PIGK: variants seen among roughly 807,000 people sequenced by gnomAD.
PIGK encodes the protein phosphatidylinositol glycan anchor biosynthesis class K.
Under a neutral mutation model 50.6 loss-of-function variants are expected in PIGK, and 42 were observed. That is an observed-to-expected ratio of 0.83 (90% CI 0.65 to 1.07). PIGK has a LOEUF of 1.07. Ranked by LOEUF, PIGK falls within the 50% of genes least tolerant of loss-of-function variation. The probability of loss-of-function intolerance (pLI) is 0.00; values close to 1 mark genes in which losing one functional copy is unlikely to be tolerated. For synonymous variants in PIGK, 151 were observed against 156.0 expected (o/e 0.97, Z 0.24); for missense variants, 448 against 488.7 (o/e 0.92, Z 0.78).
At chr1:77,178,473 T>C (rs1424100445) in intron 3 of PIGK, among the ~76,000 whole-genome samples, 1 of 152,176 alleles carries the variant, frequency 6.6e-6, no homozygotes, top group Non-Finnish European at 1.5e-5. Flanking sequence ...AATAACACAA[T>C]TGGCTACACA....
At chr1:77,159,989 AT>A (rs1210033495) in intron 8 of PIGK, among the ~76,000 whole-genome samples, 1 of 152,122 alleles carries the variant, frequency 6.6e-6, no homozygotes, top group Non-Finnish European at 1.5e-5. Flanking sequence ...GAATGATATA[AT>A]TTGGCTGTGT....
At chr1:77,175,701 A>G (rs992044817) in intron 3 of PIGK, among the ~76,000 whole-genome samples, 2 of 152,176 alleles carry the variant, frequency 1.3e-5, no homozygotes, top group African/African-American at 4.8e-5. Context: ...ATTAATTGTA[A>G]AAGAGATTCT....
chr1:77,212,788 GA>G (rs1269442052), intron 1 of PIGK, among the ~76,000 whole-genome samples: 1 of 152,110 alleles, frequency 6.6e-6, no homozygotes, highest in Admixed American at 6.5e-5. Context: ...CCCAACACTG[GA>G]GCACCCAGAT....
chr1:77,122,426 AAT>A (rs1654121682), intron 9 of PIGK, 67 bp from the exon 10 acceptor site: 27 of 808,874 alleles, frequency 3.3e-5, no homozygotes, highest in Non-Finnish European at 2.1e-6. Context: ...CAAATATTTA[AAT>A]ATGTCAAATA....
chr1:77,108,814 G>A (rs530868145), intron 10 of PIGK, among the ~76,000 whole-genome samples: 12 of 151,932 alleles, frequency 7.9e-5, no homozygotes, highest in African/African-American at 2.9e-4. Flanking sequence ...TTCTCTAAAC[G>A]TCTCTTCTCG....
chr1:77,195,141 G>A, intron 3 of PIGK: 1 of 1,226,236 alleles, frequency 8.2e-7, no homozygotes, highest in Non-Finnish European at 1.2e-6. Flanking sequence ...CAGAGTTCAT[G>A]AATATCATTG....
intron 3 of PIGK, among the ~76,000 whole-genome samples, chr1:77,192,255 A>G (rs1655925071): frequency 6.6e-6 from 1 of 152,108 alleles, no homozygotes; most frequent in South Asian, 2.1e-4. Context: ...ACAAAAATTA[A>G]AGGGAAAAAA....
intron 8 of PIGK, among the ~76,000 whole-genome samples, chr1:77,156,824 A>G (rs867363946): frequency 5.3e-5 from 8 of 152,208 alleles, no homozygotes; most frequent in African/African-American, 1.9e-4. Flanking sequence ...GAGCATCTAC[A>G]AATAAACCAG....
intron 3 of PIGK, among the ~76,000 whole-genome samples, chr1:77,170,332 C>A (rs1245207373): frequency 6.6e-6 from 1 of 152,218 alleles, no homozygotes; most frequent in African/African-American, 2.4e-5. Context: ...ATGCTACCTC[C>A]ACACTGGCCT....
At position 77,124,623 on chromosome 1, in the gene PIGK, A is replaced by C. The variant is rs910806799; in HGVS notation, c.987-2264T>G. Among the ~76,000 whole-genome samples the C allele has an allele frequency of 1.7e-4, 25 of 151,054 alleles. 1 individual carries two copies. The highest frequency in any genetic ancestry group is 2.7e-4 in the Non-Finnish European group (18 of 67,590). On this transcript the variant is annotated intron_variant, in intron 9 of 10. Coordinates refer to ENST00000370812, the MANE Select transcript of PIGK (RefSeq NM_005482.3). ...GAGTCTCAAAACAAACAAACAACAA[A>C]AAAAAAAACACACACACGCAGCAAC...
chr1:77,108,755 C>T (rs1260061246), intron 10 of PIGK, among the ~76,000 whole-genome samples: 2 of 152,202 alleles, frequency 1.3e-5, no homozygotes, highest in Admixed American at 6.5e-5. Flanking sequence ...GGTCTTTTTA[C>T]ATAGTCCCAT....
At chr1:77,129,959 G>A (rs965228428) in intron 9 of PIGK, among the ~76,000 whole-genome samples, 5 of 151,662 alleles carry the variant, frequency 3.3e-5, no homozygotes, top group African/African-American at 1.2e-4. Context: ...ATAAGAAATA[G>A]TATCTCATTG....
chr1:77,174,364 A>C (rs2100564385), intron 3 of PIGK, among the ~76,000 whole-genome samples: 1 of 152,294 alleles, frequency 6.6e-6, no homozygotes, highest in Non-Finnish European at 1.5e-5. Flanking sequence ...GGCACCACAC[A>C]CCGTGTTTTG....
At chr1:77,099,866 A>C (rs1201393186) in intron 10 of PIGK, among the ~76,000 whole-genome samples, 1 of 152,148 alleles carries the variant, frequency 6.6e-6, no homozygotes, top group African/African-American at 2.4e-5. Flanking sequence ...CTCTTTTTTT[A>C]AACTTTCACA....
In PIGK at chr1:77,122,364, A is replaced by C. The variant is rs1654120615; in HGVS notation, c.987-5T>G. The C allele has an allele frequency of 6.4e-7, 1 of 1,552,266 alleles. No homozygotes were observed. Reference sequence around the variant, plus strand: ...TCCATCTGGTCTTCCTTATAGCTGGAAAAGATAATTTAAAAACACAGAGCT... The same window carrying C: ...TCCATCTGGTCTTCCTTATAGCTGGCAAAGATAATTTAAAAACACAGAGCT... On this transcript the variant is annotated splice_region_variant and splice_polypyrimidine_tract_variant and intron_variant, in intron 9 of 10. Coordinates refer to ENST00000370812, the MANE Select transcript of PIGK (RefSeq NM_005482.3).
chr1:77,157,028 A>G (rs957045959), intron 8 of PIGK, among the ~76,000 whole-genome samples: 1 of 152,216 alleles, frequency 6.6e-6, no homozygotes, highest in Non-Finnish European at 1.5e-5. Context: ...GGATCCAGAC[A>G]TTTCACATAA....
intron 2 of PIGK, 117 bp from the exon 3 acceptor site, chr1:77,206,848 G>C: frequency 1.6e-6 from 1 of 610,998 alleles, no homozygotes; most frequent in Non-Finnish European, 2.9e-6. Context: ...CCATAATTCA[G>C]GCTTTAAAAC....
chr1:77,119,331 AG>A (rs1467790278), intron 10 of PIGK, among the ~76,000 whole-genome samples: 5 of 152,190 alleles, frequency 3.3e-5, no homozygotes, highest in African/African-American at 1.2e-4. Flanking sequence ...CTTATTATAC[AG>A]GTCTATGGTT....
At chr1:77,142,033 TATTAAAA>T (rs771322453) in intron 9 of PIGK, among the ~76,000 whole-genome samples, 24 of 152,046 alleles carry the variant, frequency 1.6e-4, no homozygotes, top group Non-Finnish European at 2.9e-4. Flanking sequence ...TCAGAATGAG[TATTAAAA>T]AAGACTAATA....
Sources: gnomAD v4.1 joint callset for allele counts (sites outside exome capture counted in the v4.1 genomes callset) on GRCh38, gnomAD v4.1.1 for gene constraint, MANE v1.5 for transcripts, NCBI Gene and HGNC (gene_info 2026-07-23, HGNC 2026-07-21) for gene names.